The following SUCLA2 variants were observed in gnomAD, a reference collection of about 807,000 sequenced individuals.
The protein encoded by SUCLA2 is succinate--CoA ligase [ADP-forming] subunit beta, mitochondrial.
In SUCLA2, 30 loss-of-function variants were observed where a neutral mutation model predicts 54.8. That is an observed-to-expected ratio of 0.55 (90% CI 0.41 to 0.74). The LOEUF (loss-of-function observed/expected upper bound fraction) is 0.74, where lower values mean the gene tolerates loss of function less well. Ranked by LOEUF, SUCLA2 falls within the 30% of genes least tolerant of loss-of-function variation. The probability of loss-of-function intolerance (pLI) is 0.00; values close to 1 mark genes in which losing one functional copy is unlikely to be tolerated. For missense variants in SUCLA2, 476 were observed against 562.9 expected, an observed-to-expected ratio of 0.85 and a Z score of 1.56; for synonymous variants, 172 against 188.9, an observed-to-expected ratio of 0.91 and a Z score of 0.74.
chr13:47,978,971 T>C (rs1157771936), intron 4 of SUCLA2, among the ~76,000 whole-genome samples: 4 of 152,226 alleles, frequency 2.6e-5, no homozygotes, highest in Non-Finnish European at 2.9e-5. Context: ...TGTGATAGCA[T>C]CTCATGCCAG....
At chr13:47,994,264 T>C (rs1950173875) in intron 2 of SUCLA2, among the ~76,000 whole-genome samples, 1 of 151,686 alleles carries the variant, frequency 6.6e-6, no homozygotes, top group Non-Finnish European at 1.5e-5. Flanking sequence ...TTGTTATCAA[T>C]GACTCACTAA....
chr13:47,989,071 T>C, intron 2 of SUCLA2, 90 bp from the exon 3 acceptor site: 2 of 1,260,520 alleles, frequency 1.6e-6, no homozygotes, highest in African/African-American at 1.5e-5. Context: ...TTGACAGGTG[T>C]TATTAAATCA....
chr13:47,961,283 T>TG (rs906512508), intron 6 of SUCLA2, among the ~76,000 whole-genome samples: 55 of 151,158 alleles, frequency 3.6e-4, no homozygotes, highest in African/African-American at 9.5e-4. Context: ...GAAAATGGAG[T>TG]GGGGGGGGCC....
At chr13:47,965,779 T>G in intron 6 of SUCLA2, 4 of 375,760 alleles carry the variant, frequency 1.1e-5, no homozygotes, top group Non-Finnish European at 9.4e-6. Context: ...AGAACGTTCT[T>G]GGCTTGCGCC....
At chr13:47,960,364 TTGC>T (rs1387940887) in intron 6 of SUCLA2, among the ~76,000 whole-genome samples, 6 of 152,150 alleles carry the variant, frequency 3.9e-5, no homozygotes. Flanking sequence ...TTGGTGGATT[TTGC>T]TTACCTCTGA....
chr13:47,951,210 A>T (rs979325353), intron 8 of SUCLA2, among the ~76,000 whole-genome samples: 1 of 151,998 alleles, frequency 6.6e-6, no homozygotes, highest in Non-Finnish European at 1.5e-5. Context: ...AAATGTATAA[A>T]TCTCATTCTC....
At chr13:47,944,082 T>C (rs1430236293) in intron 10 of SUCLA2, among the ~76,000 whole-genome samples, 1 of 152,046 alleles carries the variant, frequency 6.6e-6, no homozygotes, top group Non-Finnish European at 1.5e-5. Flanking sequence ...GCTTCTCTCT[T>C]CCTCAGTAAA....
intron 10 of SUCLA2, among the ~76,000 whole-genome samples, chr13:47,943,857 G>A (rs1440768375): frequency 2.6e-5 from 4 of 151,024 alleles, no homozygotes; most frequent in Admixed American, 2.6e-4. Context: ...GCACATCTAA[G>A]TAAAAATTTG....
intron 2 of SUCLA2, chr13:47,994,893 G>T: frequency 1.0e-6 from 1 of 982,198 alleles, no homozygotes; most frequent in Non-Finnish European, 1.2e-6. Context: ...TCTTTCTTCT[G>T]TACCTAAGAA....
chr13:47,943,489 G>C (rs755166072), intron 10 of SUCLA2, 44 bp from the exon 11 acceptor site: 8 of 1,588,216 alleles, frequency 5.0e-6, no homozygotes, highest in Non-Finnish European at 6.9e-6. Flanking sequence ...GGTAAATTCA[G>C]AACTACAGGT....
chr13:47,994,523 G>A lies in SUCLA2; in HGVS notation c.271+2320C>T, dbSNP rs183144235. ...ACGGAGGTTGCAGTGAGCCGAGATC[G>A]CGCCACTGCACTCCAGCCTGGGCGA... is the stretch of plus-strand genomic sequence containing the variant. On this transcript the variant is annotated intron_variant, in intron 2 of 10. Coordinates refer to ENST00000646932, the MANE Select transcript of SUCLA2 (RefSeq NM_003850.3). Among the ~76,000 whole-genome samples, 514 of 144,006 alleles carry A rather than the reference G, an allele frequency of 3.6e-3. 1 individual carries two copies. The highest frequency in any genetic ancestry group is 0.012 in the African/African-American group (463 of 37,988). 94.5% of individuals were successfully genotyped at this position (144,006 alleles called of 152,430 possible).
Position 47,968,815 on chromosome 13 carries a change from A to G in SUCLA2, c.664-82T>C, listed in dbSNP as rs1949939090. 5 of 1,464,326 alleles carry G rather than the reference A, an allele frequency of 3.4e-6. No individual in the cohort carries two copies. The South Asian group carries it at 6.2e-5, about 18-fold the overall frequency. 90.7% of individuals were successfully genotyped at this position (1,464,326 alleles called of 1,614,324 possible). A position where few individuals can be genotyped will look rare whatever the true frequency, so the allele number is the denominator to read the frequency against. On this transcript the variant is annotated intron_variant, in intron 5 of 10. Coordinates refer to ENST00000646932, the MANE Select transcript of SUCLA2 (RefSeq NM_003850.3). ...CTATAAATAAAAAGCCTTGTAGTTT[A>G]TCACTTAAATGATAAACATGAGTCA...
chr13:47,993,662 A>T (rs567899715), intron 2 of SUCLA2, among the ~76,000 whole-genome samples: 42 of 152,336 alleles, frequency 2.8e-4, no homozygotes, highest in African/African-American at 1.0e-3. Context: ...CAGGACTGGG[A>T]AGAAACAATA....
At chr13:47,955,976 T>C (rs1272603753) in intron 6 of SUCLA2, among the ~76,000 whole-genome samples, 1 of 152,158 alleles carries the variant, frequency 6.6e-6, no homozygotes, top group Non-Finnish European at 1.5e-5. Context: ...CAGAGGAAGA[T>C]AACAGAATTC....
intron 6 of SUCLA2, among the ~76,000 whole-genome samples, chr13:47,960,415 A>C (rs1949860615): frequency 6.6e-6 from 1 of 152,176 alleles, no homozygotes; most frequent in South Asian, 2.1e-4. Flanking sequence ...GATTTCTGGC[A>C]CACACACAAA....
Position 47,973,444 on chromosome 13 carries a change from A to G in SUCLA2, c.535-52T>C, listed in dbSNP as rs778113347. ...CTCTAGATTTATTTTAGACTCATCA[A>G]TGAAACTTTAAAACCTACCCGTGCA... On this transcript the variant is annotated intron_variant, in intron 4 of 10. Transcript: ENST00000646932. The G allele has an allele frequency of 1.0e-5, 16 of 1,598,354 alleles. No homozygotes were observed. In the Admixed American group the frequency reaches 1.5e-4, roughly 15 times the overall value.
At chr13:47,994,931 A>G (rs1950179049) in intron 2 of SUCLA2, 1 of 847,686 alleles carries the variant, frequency 1.2e-6, no homozygotes, top group Non-Finnish European at 1.4e-6. Flanking sequence ...GGCATAATCA[A>G]AACAGATTGG....
At chr13:48,000,002 T>A (rs771397031) in intron 1 of SUCLA2, among the ~76,000 whole-genome samples, 1 of 152,058 alleles carries the variant, frequency 6.6e-6, no homozygotes. Flanking sequence ...AATTCCCCAT[T>A]TTCTAAAAAC....
At chr13:47,983,118 A>T (rs1055613608) in intron 4 of SUCLA2, among the ~76,000 whole-genome samples, 5 of 147,200 alleles carry the variant, frequency 3.4e-5, no homozygotes, top group South Asian at 2.1e-4. Flanking sequence ...CTTTCAATAT[A>T]AAAAAAAAAC....
Sources: gnomAD v4.1 joint callset for allele counts (sites outside exome capture counted in the v4.1 genomes callset) on GRCh38, gnomAD v4.1.1 for gene constraint, MANE v1.5 for transcripts, NCBI Gene and HGNC (gene_info 2026-07-23, HGNC 2026-07-21) for gene names.